Variants in ACSL5 observed in about 807,000 individuals in gnomAD.
The protein encoded by ACSL5 is long-chain-fatty-acid--CoA ligase 5.
Under a neutral mutation model 84.9 loss-of-function variants are expected in ACSL5, and 50 were observed. That is an observed-to-expected ratio of 0.59 (90% CI 0.47 to 0.75). ACSL5 has a LOEUF of 0.75. Ranked by LOEUF, ACSL5 falls within the 30% of genes least tolerant of loss-of-function variation. The probability of loss-of-function intolerance (pLI) is 0.00; values close to 1 mark genes in which losing one functional copy is unlikely to be tolerated. For synonymous variants in ACSL5, 280 were observed against 300.7 expected (o/e 0.93, Z 0.71); for missense variants, 775 against 830.4 (o/e 0.93, Z 0.82).
chr10:112,415,409 C>T (rs546282004), intron 12 of ACSL5, among the ~76,000 whole-genome samples: 1 of 152,280 alleles, frequency 6.6e-6, no homozygotes, highest in South Asian at 2.1e-4. Context: ...CCGTGTTAGC[C>T]AGGATGGTCT....
At chr10:112,405,604 G>T (rs1014846716) in intron 5 of ACSL5, among the ~76,000 whole-genome samples, 7 of 152,034 alleles carry the variant, frequency 4.6e-5, no homozygotes, top group Admixed American at 3.3e-4. Flanking sequence ...ATAGAAAAAG[G>T]TTCCCTTGAC....
intron 3 of ACSL5, among the ~76,000 whole-genome samples, chr10:112,404,116 A>T (rs879457777): frequency 1.3e-5 from 2 of 152,198 alleles, no homozygotes; most frequent in African/African-American, 2.4e-5. Context: ...TATCTTTATG[A>T]GCATAGTTTT....
In ACSL5 at chr10:112,427,517, T is replaced by G. The variant is rs1388375407; in HGVS notation, c.*159T>G. The G allele has an allele frequency of 1.6e-5, 9 of 566,814 alleles. No individual in the cohort carries two copies. The highest frequency in any genetic ancestry group is 2.5e-5 in the Non-Finnish European group (9 of 355,682). The allele number at this position is 566,814 out of a possible 1,614,324, so 35.1% of individuals were successfully genotyped here. ...GTTTTATATTGAGACATATAATGTG[T>G]AAACTTAGTTCCCAAATAAATCAAT... On this transcript the variant is annotated 3_prime_UTR_variant, in exon 21 of 21. Coordinates refer to ENST00000354655, the MANE Select transcript of ACSL5 (RefSeq NM_203379.2).
rs140626307 is a variant in ACSL5, at chr10:112,380,007, A to G, written c.-30+5738A>G. Among the ~76,000 whole-genome samples the G allele has an allele frequency of 5.9e-3, 900 of 152,278 alleles. 14 individuals carry two copies. Among genetic ancestry groups the G allele is most frequent in the African/African-American group, 0.021 (863 of 41,554 alleles). ...CTATCTTTTTACAGACCCCCTTATC[A>G]GATCCAGTGGACTTCTGACACTGCT... On this transcript the variant is annotated intron_variant, in intron 1 of 20. Transcript: ENST00000354655.
chr10:112,420,342 C>T (rs575950587), intron 14 of ACSL5, among the ~76,000 whole-genome samples: 25 of 152,320 alleles, frequency 1.6e-4, no homozygotes, highest in Admixed American at 1.4e-3. Context: ...CAAATTGTAG[C>T]ACTGGCTAAA....
intron 1 of ACSL5, among the ~76,000 whole-genome samples, chr10:112,389,116 A>C (rs1003118221): frequency 6.6e-6 from 1 of 152,220 alleles, no homozygotes; most frequent in Non-Finnish European, 1.5e-5. Flanking sequence ...TCCAAAGAAA[A>C]GGAGACTAAA....
intron 3 of ACSL5, among the ~76,000 whole-genome samples, chr10:112,401,392 C>A (rs1843885008): frequency 6.6e-6 from 1 of 152,166 alleles, no homozygotes; most frequent in Admixed American, 6.5e-5. Context: ...ACCTAAAAAT[C>A]CTCAGGAAGC....
rs1844712838 is a variant in ACSL5 at position 112,426,371 on chromosome 10, C to T, written c.1839+12C>T. On this transcript the variant is annotated intron_variant, in intron 19 of 20. Coordinates refer to ENST00000354655, the MANE Select transcript of ACSL5 (RefSeq NM_203379.2). Reference sequence around the variant, plus strand: ...TGTGCCAAAACCAAGTAAGTCTTGCCTAGGAAAGCTTTATGCACACCCATG... The same window carrying T: ...TGTGCCAAAACCAAGTAAGTCTTGCTTAGGAAAGCTTTATGCACACCCATG... 6.2e-7 allele frequency: 1 copy of T among 1,610,864 alleles called. No homozygotes were observed. Among genetic ancestry groups the T allele is most frequent in the Non-Finnish European group, 8.5e-7 (1 of 1,177,376 alleles).
intron 14 of ACSL5, among the ~76,000 whole-genome samples, chr10:112,418,513 T>C (rs965556611): frequency 6.6e-6 from 1 of 151,652 alleles, no homozygotes. Flanking sequence ...ACCCGGCAGG[T>C]GGAGCTTGCA....
chr10:112,422,553 G>A, intron 17 of ACSL5, 112 bp downstream of exon 17: 1 of 990,766 alleles, frequency 1.0e-6, no homozygotes, highest in South Asian at 1.5e-5. Flanking sequence ...GAGGCAGCTG[G>A]AGGGGATTAG....
chr10:112,413,329 G>C, intron 12 of ACSL5, 22 bp downstream of exon 12: 1 of 1,613,396 alleles, frequency 6.2e-7, no homozygotes, highest in Non-Finnish European at 8.5e-7. Flanking sequence ...CAGCTGAAGG[G>C]ACTGTCTGTG....
chr10:112,411,042 G>A (rs1057445472), intron 9 of ACSL5, among the ~76,000 whole-genome samples: 10 of 152,058 alleles, frequency 6.6e-5, no homozygotes, highest in African/African-American at 2.2e-4. Context: ...TTTTAATGTG[G>A]TCCATCATGG....
chr10:112,423,757 C>T (rs1844567489), intron 17 of ACSL5, among the ~76,000 whole-genome samples: 1 of 152,120 alleles, frequency 6.6e-6, no homozygotes, highest in Non-Finnish European at 1.5e-5. Flanking sequence ...AATTAGGTGA[C>T]TTCTCTAGGA....
chr10:112,424,894 C>T lies in ACSL5; in HGVS notation c.1594-444C>T, dbSNP rs151031154. The stretch of plus-strand genomic sequence containing the variant: ...CAGTGGAGCTGTTTGAGCCTGCTCC[C>T]GGATCTAACAAGGAGGAAAACATAA... On this transcript the variant is annotated intron_variant, in intron 17 of 20. Coordinates refer to ENST00000354655, the MANE Select transcript of ACSL5 (RefSeq NM_203379.2). 143 of 153,012 alleles carry T rather than the reference C, an allele frequency of 9.3e-4. 1 individual carries two copies. The highest frequency in any genetic ancestry group is 1.7e-3 in the Non-Finnish European group (120 of 68,658). The allele number at this position is 153,012 out of a possible 1,614,324, so 9.5% of individuals were successfully genotyped here.
intron 12 of ACSL5, among the ~76,000 whole-genome samples, chr10:112,415,807 G>A (rs1844300934): frequency 6.6e-6 from 1 of 152,166 alleles, no homozygotes; most frequent in African/African-American, 2.4e-5. Flanking sequence ...CAATTGCCTT[G>A]AATCTGACTT....
chr10:112,391,096 G>A (rs1275584941), intron 1 of ACSL5, among the ~76,000 whole-genome samples: 2 of 152,174 alleles, frequency 1.3e-5, no homozygotes, highest in Non-Finnish European at 2.9e-5. Context: ...AATTGAGGAA[G>A]GGCCAGGTGC....
chr10:112,401,808 C>CT (rs1470805992), intron 3 of ACSL5, among the ~76,000 whole-genome samples: 2 of 90,976 alleles, frequency 2.2e-5, no homozygotes, highest in Non-Finnish European at 5.0e-5. Context: ...TTCTTTCTTT[C>CT]TTTCTTTCTT....
chr10:112,408,791 C>A (rs1844112069), intron 6 of ACSL5: 1 of 350,674 alleles, frequency 2.9e-6, no homozygotes, highest in South Asian at 3.2e-5. Context: ...CAAGACTACT[C>A]ACTCTGAACA....
intron 2 of ACSL5, among the ~76,000 whole-genome samples, chr10:112,398,592 A>T (rs1456893062): frequency 1.3e-5 from 2 of 151,810 alleles, no homozygotes; most frequent in Non-Finnish European, 2.9e-5. Context: ...TTTAGTAGAG[A>T]CGGGGTTTCA....
Sources: allele counts gnomAD v4.1 joint callset (sites outside exome capture counted in the v4.1 genomes callset), GRCh38; gene constraint gnomAD v4.1.1; transcripts MANE v1.5; gene names NCBI Gene and HGNC (gene_info 2026-07-23, HGNC 2026-07-21).